Variants in ELOVL6 observed in about 807,000 individuals in gnomAD.
ELOVL6 encodes very long chain fatty acid elongase 6.
A neutral mutation model predicts 31.7 loss-of-function variants in ELOVL6; 8 were observed. That is an observed-to-expected ratio of 0.25 (90% CI 0.15 to 0.45). The LOEUF is 0.45. Ranked by LOEUF, ELOVL6 falls within the 20% of genes least tolerant of loss-of-function variation. The pLI is 1.00. For synonymous variants in ELOVL6, 101 were observed against 117.7 expected (o/e 0.86, Z 0.92); for missense variants, 126 against 326.4 (o/e 0.39, Z 4.73).
chr4:110,083,510 C>T (rs1003908), intron 2 of ELOVL6, among the ~76,000 whole-genome samples: 60 of 151,126 alleles, frequency 4.0e-4, no homozygotes, highest in Non-Finnish European at 8.1e-4. Flanking sequence ...GCATGGACTA[C>T]AGCTTATAGG....
rs1754826923 is a variant in ELOVL6, at chr4:110,051,150, T to C, written c.*188A>G. On this transcript the variant is annotated 3_prime_UTR_variant, in exon 4 of 4. Coordinates refer to ENST00000302274, the MANE Select transcript of ELOVL6 (RefSeq NM_024090.3). This position sits in a 1 kb window ranked among gnomAD's most constrained non-coding sequence, Gnocchi z 4.8. Reference sequence around the variant, plus strand: ...AGATGGAGGTGCACTCAGTGAGTCCTCACCCTAAAAGGATCATAAACTTAC... The same window carrying C: ...AGATGGAGGTGCACTCAGTGAGTCCCCACCCTAAAAGGATCATAAACTTAC... 2 of 611,778 alleles carry C rather than the reference T, an allele frequency of 3.3e-6. No homozygotes were observed. The highest frequency in any genetic ancestry group is 3.7e-5 in the African/African-American group (2 of 53,988). The allele number at this position is 611,778 out of a possible 1,614,324, so 37.9% of individuals were successfully genotyped here.
chr4:110,114,185 T>C (rs1757113600), intron 1 of ELOVL6, among the ~76,000 whole-genome samples: 1 of 152,222 alleles, frequency 6.6e-6, no homozygotes, highest in African/African-American at 2.4e-5. Context: ...GACTCTCCTG[T>C]CACCAAGCTA....
chr4:110,055,572 T>C (rs1754958855), intron 3 of ELOVL6, among the ~76,000 whole-genome samples: 1 of 152,126 alleles, frequency 6.6e-6, no homozygotes, highest in South Asian at 2.1e-4. Flanking sequence ...CCTTTGCAGC[T>C]GCAGGAAAAG....
intron 1 of ELOVL6, among the ~76,000 whole-genome samples, chr4:110,108,496 A>G (rs1375922439): frequency 1.3e-5 from 2 of 152,242 alleles, no homozygotes; most frequent in East Asian, 1.9e-4. Flanking sequence ...CTTTTCCACA[A>G]GAGCTCTCTT....
intron 2 of ELOVL6, among the ~76,000 whole-genome samples, chr4:110,084,064 AAC>A (rs1400787506): frequency 6.9e-5 from 7 of 102,132 alleles, no homozygotes; most frequent in Admixed American, 2.0e-4. Context: ...TATGATATAT[AAC>A]ATATATATGC....
At chr4:110,186,803 C>CAAAA (rs397994948) in intron 1 of ELOVL6, among the ~76,000 whole-genome samples, 8 of 82,540 alleles carry the variant, frequency 9.7e-5, no homozygotes, top group Admixed American at 5.6e-4. Flanking sequence ...GACTCTGTCT[C>CAAAA]AAAAAAAAAA....
intron 1 of ELOVL6, among the ~76,000 whole-genome samples, chr4:110,171,083 C>A (rs1049904287): frequency 6.6e-6 from 1 of 152,168 alleles, no homozygotes; most frequent in Non-Finnish European, 1.5e-5. Flanking sequence ...TCTGAACAGA[C>A]AGGCCTTGCT....
chr4:110,087,413 T>C (rs759818504), intron 2 of ELOVL6, among the ~76,000 whole-genome samples: 19 of 152,192 alleles, frequency 1.2e-4, no homozygotes, highest in African/African-American at 3.9e-4. Flanking sequence ...GAAATACTTT[T>C]TATAAAATTC....
rs1759891697 is a variant in ELOVL6, at chr4:110,198,554, GCT to G, written c.-221_-220del. 1 of 501,296 alleles carries G rather than the reference GCT, an allele frequency of 2.0e-6. No homozygotes were observed. The highest frequency in any genetic ancestry group is 3.5e-6 in the Non-Finnish European group (1 of 284,732). The allele number at this position is 501,296 out of a possible 1,614,324, so 31.1% of individuals were successfully genotyped here. On this transcript the variant is annotated 5_prime_UTR_variant, in exon 1 of 4. The change creates a premature stop within an existing upstream ORF in the 5' untranslated region. Transcript: ENST00000302274. ...TCCGCTCCCAGCTCCTCTCTCTGGGGCTCTCCTCCTCCCGGCGTCCGCATCCA... is the reference window on the plus strand; with the variant it reads ...TCCGCTCCCAGCTCCTCTCTCTGGGGCTCCTCCTCCCGGCGTCCGCATCCA...
intron 1 of ELOVL6, among the ~76,000 whole-genome samples, chr4:110,170,494 A>G (rs1470295595): frequency 6.6e-6 from 1 of 152,198 alleles, no homozygotes; most frequent in Non-Finnish European, 1.5e-5. Flanking sequence ...AAGTTGCCCA[A>G]TGTGCACATC....
intron 2 of ELOVL6, among the ~76,000 whole-genome samples, chr4:110,077,003 G>C (rs1055099650): frequency 6.6e-6 from 1 of 152,204 alleles, no homozygotes; most frequent in Non-Finnish European, 1.5e-5. Flanking sequence ...ACAGCAGTCT[G>C]AGATCAAACT....
intron 1 of ELOVL6, among the ~76,000 whole-genome samples, chr4:110,163,570 G>A (rs1418122596): frequency 3.9e-5 from 6 of 152,186 alleles, no homozygotes; most frequent in South Asian, 2.1e-4. Context: ...AGCAGACTGG[G>A]ATGAAGGCCA....
At chr4:110,157,553 C>T (rs1008515296) in intron 1 of ELOVL6, among the ~76,000 whole-genome samples, 6 of 151,302 alleles carry the variant, frequency 4.0e-5, no homozygotes, top group Non-Finnish European at 8.9e-5. Context: ...CACCTGTAGT[C>T]CCAGCTACTC....
At chr4:110,130,502 T>C (rs903964154) in intron 1 of ELOVL6, among the ~76,000 whole-genome samples, 2 of 152,192 alleles carry the variant, frequency 1.3e-5, no homozygotes, top group Non-Finnish European at 2.9e-5. Flanking sequence ...TTAATTAAGC[T>C]TGAATGACCA....
At chr4:110,063,715 G>A (rs550512912) in intron 2 of ELOVL6, among the ~76,000 whole-genome samples, 2 of 150,674 alleles carry the variant, frequency 1.3e-5, no homozygotes, top group Non-Finnish European at 2.9e-5. Context: ...TGATTACTAC[G>A]TCACATGCCT....
intron 1 of ELOVL6, among the ~76,000 whole-genome samples, chr4:110,118,406 A>G (rs1177367710): frequency 1.3e-5 from 2 of 152,166 alleles, no homozygotes; most frequent in Non-Finnish European, 2.9e-5. Context: ...TAATTCCATG[A>G]TAACCAATAT....
chr4:110,158,454 C>T (rs1430816107), intron 1 of ELOVL6, among the ~76,000 whole-genome samples: 2 of 150,788 alleles, frequency 1.3e-5, no homozygotes, highest in East Asian at 3.9e-4. Flanking sequence ...AAGAAAAACT[C>T]CACACTCATT....
chr4:110,106,349 G>A (rs1314216322), intron 1 of ELOVL6, among the ~76,000 whole-genome samples: 1 of 152,138 alleles, frequency 6.6e-6, no homozygotes, highest in Admixed American at 6.6e-5. Flanking sequence ...TAAAAGAATG[G>A]TTATTCCATA....
chr4:110,183,355 T>A (rs1759346310), intron 1 of ELOVL6, among the ~76,000 whole-genome samples: 1 of 152,232 alleles, frequency 6.6e-6, no homozygotes, highest in African/African-American at 2.4e-5. Context: ...CTAATTCAAG[T>A]TGTCCTGCTT....
Sources: allele counts gnomAD v4.1 joint callset (sites outside exome capture counted in the v4.1 genomes callset), GRCh38; gene constraint gnomAD v4.1.1; non-coding constraint Gnocchi (gnomAD v3.1); transcripts MANE v1.5; gene names NCBI Gene and HGNC (gene_info 2026-07-23, HGNC 2026-07-21).